The following ZNF782 variants were observed in gnomAD, a reference collection of about 807,000 sequenced individuals.
The protein encoded by ZNF782 is zinc finger protein 782.
Under a neutral mutation model 13.0 loss-of-function variants are expected in ZNF782, and 12 were observed. The ratio of observed to expected loss-of-function variants is 0.92; its 90% CI spans 0.59 to 1.50. ZNF782 has a LOEUF of 1.50. Among genes scored for constraint, ZNF782 ranks in the 40% most tolerant of loss-of-function variants. The pLI is 0.00. For missense variants in ZNF782, 770 were observed against 822.9 expected, an observed-to-expected ratio of 0.94 and a Z score of 0.79; for synonymous variants, 284 against 283.0, an observed-to-expected ratio of 1.00 and a Z score of -0.04.
rs574980153 is a variant in ZNF782, at chr9:96,847,504, A to G, written c.16-2488T>C. On this transcript the variant is annotated intron_variant, in intron 3 of 5. Transcript: ENST00000481138. ...AAACATTACAACCGACACCACAGAA[A>G]TACAAAAGATCTTTCAAGACTACTA... is the stretch of plus-strand genomic sequence containing the variant. Among the ~76,000 whole-genome samples the G allele has an allele frequency of 2.0e-5, 3 of 152,340 alleles. No individual in the cohort carries two copies. The East Asian group carries it at 5.8e-4, about 29-fold the overall frequency.
At chr9:96,840,797 C>T (rs573465042) in intron 4 of ZNF782, among the ~76,000 whole-genome samples, 6 of 151,968 alleles carry the variant, frequency 3.9e-5, no homozygotes, top group South Asian at 2.1e-4. Context: ...TAAATGTGTA[C>T]GTTAGAAAAG....
the ZNF782 span, among the ~76,000 whole-genome samples, chr9:96,881,555 G>T: frequency 3.9e-5 from 6 of 152,122 alleles, no homozygotes; most frequent in East Asian, 1.9e-4. Context: ...AAAAATTAAA[G>T]ACTATAATCC....
the ZNF782 span, among the ~76,000 whole-genome samples, chr9:96,905,835 C>T: frequency 6.6e-6 from 1 of 152,182 alleles, no homozygotes; most frequent in South Asian, 2.1e-4. Flanking sequence ...CCACCCGCCT[C>T]GGCCTCCCAA....
Position 96,817,261 on chromosome 9 carries a change from TGA to T in ZNF782, c.*660_*661del, listed in dbSNP as rs1228637115. 1 of 152,224 alleles carries T rather than the reference TGA, an allele frequency of 6.6e-6. No individual in the cohort carries two copies. Among genetic ancestry groups the T allele is most frequent in the Non-Finnish European group, 1.5e-5 (1 of 68,094 alleles). The allele number at this position is 152,224 out of a possible 1,614,324, so 9.4% of individuals were successfully genotyped here. A position where few individuals can be genotyped will look rare whatever the true frequency, so the allele number is the denominator to read the frequency against. On this transcript the variant is annotated 3_prime_UTR_variant, in exon 6 of 6. Transcript: ENST00000481138. The stretch of plus-strand genomic sequence containing the variant: ...GGGTAACAATATGACCCCGTTTAGA[TGA>T]GAGAGTGGTTGAGAAATTTAGGCCA...
upstream of ZNF782, among the ~76,000 whole-genome samples, chr9:96,859,242 C>CCG (rs1353239472): frequency 1.3e-5 from 2 of 152,176 alleles, no homozygotes; most frequent in Admixed American, 6.5e-5. Context: ...TAGTGCTGTG[C>CCG]CGCGCTTGGA....
the ZNF782 span, among the ~76,000 whole-genome samples, chr9:96,915,426 C>A: frequency 6.7e-6 from 1 of 149,930 alleles, no homozygotes; most frequent in Non-Finnish European, 1.5e-5. Flanking sequence ...TACCTGTAAT[C>A]CCAGCACTCT....
the ZNF782 span, among the ~76,000 whole-genome samples, chr9:96,907,937 G>C: frequency 4.6e-5 from 7 of 151,810 alleles, no homozygotes; most frequent in Non-Finnish European, 8.8e-5. Flanking sequence ...CACCGTGCCC[G>C]GCCTTGATAG....
At chr9:96,845,754 AC>A (rs1417180290) in intron 3 of ZNF782, among the ~76,000 whole-genome samples, 6 of 152,214 alleles carry the variant, frequency 3.9e-5, no homozygotes, top group Non-Finnish European at 8.8e-5. Context: ...AGAAAAGAAA[AC>A]AAAAAGTCTA....
intron 1 of ZNF782, among the ~76,000 whole-genome samples, chr9:96,871,303 G>A (rs1362570829): frequency 6.7e-6 from 1 of 150,338 alleles, no homozygotes; most frequent in Non-Finnish European, 1.5e-5. Context: ...TTTTTAAATA[G>A]ATGTTGTCTC....
At chr9:96,907,372 C>T in the ZNF782 span, among the ~76,000 whole-genome samples, 3 of 151,838 alleles carry the variant, frequency 2.0e-5, no homozygotes, top group Admixed American at 1.3e-4. Context: ...TGTTGTTTAA[C>T]GGAAATCGAG....
Position 96,867,355 on chromosome 9 carries a change from A to G in ZNF782, c.-456-5752T>C, listed in dbSNP as rs1485926096. 2.6e-5 allele frequency among the ~76,000 whole-genome samples: 4 copies of G among 152,312 alleles called. 1 individual carries two copies. In the South Asian group the frequency reaches 6.2e-4, roughly 24 times the overall value. On this transcript the variant is annotated intron_variant, in intron 1 of 5. Transcript: ENST00000498811. ...CTTTTCTCTGCCTGCTGCCATCCAC[A>G]TAAGACATGACTTGCTCCTTCTTGC...
chr9:96,932,062 CAT>C, the ZNF782 span: 1 of 1,608,062 alleles, frequency 6.2e-7, no homozygotes, highest in African/African-American at 1.3e-5. Flanking sequence ...GTGGAGGTGT[CAT>C]GTGTCCACCT....
the ZNF782 span, among the ~76,000 whole-genome samples, chr9:96,920,731 TG>T: frequency 4.2e-4 from 63 of 148,254 alleles, no homozygotes; most frequent in Non-Finnish European, 8.7e-4. Flanking sequence ...CTGACCAACA[TG>T]ATGAAACCCC....
rs558637863 is a variant in ZNF782, at chr9:96,839,109, C to T, written c.142+5781G>A. Among the ~76,000 whole-genome samples, 5 of 152,124 alleles carry T rather than the reference C, an allele frequency of 3.3e-5. No homozygotes were observed. In the South Asian group the frequency reaches 1.0e-3, roughly 32 times the overall value. ...ACCCCATTAGAGAGCTAGAGGAGTACTCTGATACTCTAGAACCAGGGTGGA... is the reference window on the plus strand; with the variant it reads ...ACCCCATTAGAGAGCTAGAGGAGTATTCTGATACTCTAGAACCAGGGTGGA... On this transcript the variant is annotated intron_variant, in intron 4 of 5. Coordinates refer to ENST00000481138, the MANE Select transcript of ZNF782 (RefSeq NM_001001662.3).
intron 4 of ZNF782, among the ~76,000 whole-genome samples, chr9:96,844,478 C>T (rs1282918315): frequency 3.3e-5 from 5 of 151,950 alleles, no homozygotes; most frequent in South Asian, 2.1e-4. Context: ...AAAAGCCAGA[C>T]AAAAGGGAGT....
At chr9:96,904,100 G>GT in the ZNF782 span, among the ~76,000 whole-genome samples, 1 of 139,482 alleles carries the variant, frequency 7.2e-6, no homozygotes, top group East Asian at 2.1e-4. Context: ...TTTTTGGTTT[G>GT]TTTTTTGGGA....
At chr9:96,871,967 TG>T (rs1851834284) in intron 1 of ZNF782, among the ~76,000 whole-genome samples, 1 of 152,206 alleles carries the variant, frequency 6.6e-6, no homozygotes, top group South Asian at 2.1e-4. Context: ...TTAATGCACA[TG>T]TAACAAATTT....
the ZNF782 span, chr9:96,893,462 C>G: frequency 6.6e-6 from 1 of 152,210 alleles, no homozygotes; most frequent in Admixed American, 6.5e-5. Flanking sequence ...TTGTAGAAAA[C>G]AGTGTGGCAA....
In ZNF782 at chr9:96,817,674, T is replaced by G; in HGVS notation, c.*249A>C. Reference sequence around the variant, plus strand: ...GCAAGAGTATTTTCCATATTCATTATGTTTATAGGGTTTCTTTGCTGTGTG... The same window carrying G: ...GCAAGAGTATTTTCCATATTCATTAGGTTTATAGGGTTTCTTTGCTGTGTG... On this transcript the variant is annotated 3_prime_UTR_variant, in exon 6 of 6. Transcript: ENST00000481138. 2.7e-6 allele frequency: 1 copy of G among 364,814 alleles called. No homozygotes were observed. Among genetic ancestry groups the G allele is most frequent in the East Asian group, 4.1e-5 (1 of 24,130 alleles). 22.6% of individuals were successfully genotyped at this position (364,814 alleles called of 1,614,324 possible). A position where few individuals can be genotyped will look rare whatever the true frequency, so the allele number is the denominator to read the frequency against.
Sources: gnomAD v4.1 joint callset for allele counts (sites outside exome capture counted in the v4.1 genomes callset) on GRCh38, gnomAD v4.1.1 for gene constraint, MANE v1.5 for transcripts, NCBI Gene and HGNC (gene_info 2026-07-23, HGNC 2026-07-21) for gene names.